GPHN: variants seen among roughly 807,000 people sequenced by gnomAD.
GPHN encodes the protein gephyrin.
In GPHN, 17 loss-of-function variants were observed where a neutral mutation model predicts 95.5. The ratio of observed to expected loss-of-function variants is 0.18; its 90% CI spans 0.12 to 0.27. GPHN has a LOEUF of 0.27. Ranked by LOEUF, GPHN falls within the 10% of genes least tolerant of loss-of-function variation. The pLI is 1.00. For missense variants in GPHN, 660 were observed against 978.1 expected (o/e 0.67, Z 4.34); for synonymous variants, 320 against 322.5 (o/e 0.99, Z 0.08).
chr14:67,225,926 A>AGTGTGTGTGTGTGTGT, the GPHN span, among the ~76,000 whole-genome samples: 2,799 of 136,610 alleles, frequency 0.02, 49 homozygotes, highest in Middle Eastern at 0.034. Context: ...TAATGCTGTG[A>AGTGTGTGTGTGTGTGT]GTGTGTGTGT....
At chr14:66,960,281 CTT>C (rs199570344) in intron 8 of GPHN, among the ~76,000 whole-genome samples, 2 of 142,722 alleles carry the variant, frequency 1.4e-5, no homozygotes, top group East Asian at 2.0e-4. Context: ...TTTTTCTTTT[CTT>C]TTTTTTTTTC....
chr14:67,028,974 G>A (rs188848378), intron 10 of GPHN, among the ~76,000 whole-genome samples: 2 of 151,992 alleles, frequency 1.3e-5, no homozygotes, highest in African/African-American at 2.4e-5. Context: ...CTGTGTTTTC[G>A]TCTAGCAGTT....
chr14:67,128,262 T>A (rs2079458813), intron 17 of GPHN, among the ~76,000 whole-genome samples: 3 of 144,502 alleles, frequency 2.1e-5, no homozygotes, highest in Admixed American at 6.8e-5. Context: ...TATTTCTACT[T>A]TTTTTTTTTT....
chr14:66,740,754 A>C (rs1167455530), intron 2 of GPHN, among the ~76,000 whole-genome samples: 1 of 152,200 alleles, frequency 6.6e-6, no homozygotes, highest in African/African-American at 2.4e-5. Flanking sequence ...AAATTTATAA[A>C]GAGTAAGGCC....
At chr14:67,609,687 G>A in the GPHN span, among the ~76,000 whole-genome samples, 3 of 152,106 alleles carry the variant, frequency 2.0e-5, no homozygotes, top group Non-Finnish European at 4.4e-5. Context: ...GGTTGAAAGG[G>A]GCTCATTATA....
At chr14:67,150,791 A>G (rs1315719042) in intron 18 of GPHN, among the ~76,000 whole-genome samples, 1 of 152,062 alleles carries the variant, frequency 6.6e-6, no homozygotes, top group Non-Finnish European at 1.5e-5. Flanking sequence ...TCTGGGCTTA[A>G]GCAATAATCC....
chr14:67,347,036 G>A, the GPHN span, among the ~76,000 whole-genome samples: 1 of 152,080 alleles, frequency 6.6e-6, no homozygotes. Flanking sequence ...GCCCAGGCTG[G>A]AGTGCAGTGG....
chr14:67,204,108 G>T, the GPHN span, among the ~76,000 whole-genome samples: 1 of 152,092 alleles, frequency 6.6e-6, no homozygotes, highest in Admixed American at 6.6e-5. Flanking sequence ...AGGCAAGTCT[G>T]GTGTCTTGAG....
the GPHN span, among the ~76,000 whole-genome samples, chr14:67,275,125 C>T: frequency 2.0e-5 from 3 of 152,102 alleles, no homozygotes; most frequent in Non-Finnish European, 2.9e-5. Flanking sequence ...TTCTCCTGCC[C>T]GATTGCCTTG....
At chr14:67,260,991 G>A in the GPHN span, among the ~76,000 whole-genome samples, 1 of 152,158 alleles carries the variant, frequency 6.6e-6, no homozygotes. Flanking sequence ...GAGTCAAGCA[G>A]ACTCCAGGCC....
At chr14:67,337,015 C>G in the GPHN span, among the ~76,000 whole-genome samples, 1 of 152,188 alleles carries the variant, frequency 6.6e-6, no homozygotes, top group African/African-American at 2.4e-5. Context: ...TACTTTCTAG[C>G]TTTTTAACTT....
the GPHN span, among the ~76,000 whole-genome samples, chr14:67,614,214 G>T: frequency 3.9e-5 from 6 of 152,168 alleles, no homozygotes; most frequent in African/African-American, 1.2e-4. Context: ...TAGCATTATA[G>T]GCATGAGCCA....
chr14:67,332,422 C>G, the GPHN span, among the ~76,000 whole-genome samples: 4 of 152,146 alleles, frequency 2.6e-5, no homozygotes, highest in Non-Finnish European at 5.9e-5. Context: ...ACAGATGTTA[C>G]TATTAGGAAG....
At chr14:66,932,033 G>C (rs1194605925) in intron 8 of GPHN, among the ~76,000 whole-genome samples, 1 of 152,164 alleles carries the variant, frequency 6.6e-6, no homozygotes, top group Non-Finnish European at 1.5e-5. Context: ...TAAATGTTGT[G>C]ATCTAAGTCT....
chr14:67,614,731 C>T, the GPHN span, among the ~76,000 whole-genome samples: 1 of 151,988 alleles, frequency 6.6e-6, no homozygotes, highest in East Asian at 1.9e-4. Context: ...CACTGTACTC[C>T]AGCCTGTAAT....
chr14:66,871,709 C>A (rs1414164702), intron 4 of GPHN, among the ~76,000 whole-genome samples: 1 of 151,866 alleles, frequency 6.6e-6, no homozygotes, highest in Admixed American at 6.6e-5. Flanking sequence ...TCACTCATAA[C>A]TGGGAGTTGA....
At chr14:67,404,290 T>C in the GPHN span, among the ~76,000 whole-genome samples, 4 of 152,100 alleles carry the variant, frequency 2.6e-5, no homozygotes, top group African/African-American at 7.2e-5. Flanking sequence ...GGCAATGTCT[T>C]TGACATGAGC....
Position 66,679,759 on chromosome 14 carries a change from T to C in GPHN, c.65-1348T>C, listed in dbSNP as rs982391432. On this transcript the variant is annotated intron_variant, in intron 1 of 22. Coordinates refer to ENST00000478722, the MANE Select transcript of GPHN (RefSeq NM_020806.5). Reference sequence around the variant, plus strand: ...CTGCTTAATTGCAGATAGTGTGTTTTTCAGATATAAAATCACTATTTAATT... The same window carrying C: ...CTGCTTAATTGCAGATAGTGTGTTTCTCAGATATAAAATCACTATTTAATT... Among the ~76,000 whole-genome samples, 4 of 152,344 alleles carry C rather than the reference T, an allele frequency of 2.6e-5. No individual in the cohort carries two copies. In the South Asian group the frequency reaches 6.2e-4, roughly 24 times the overall value.
chr14:67,295,222 C>T, the GPHN span, among the ~76,000 whole-genome samples: 10 of 151,514 alleles, frequency 6.6e-5, no homozygotes, highest in African/African-American at 2.2e-4. Context: ...GGGAGGCTCA[C>T]GCCTGTAATC....
Sources: allele counts gnomAD v4.1 joint callset (sites outside exome capture counted in the v4.1 genomes callset), GRCh38; gene constraint gnomAD v4.1.1; transcripts MANE v1.5; gene names NCBI Gene and HGNC (gene_info 2026-07-23, HGNC 2026-07-21).